Variants in DKK2 observed in about 807,000 individuals in gnomAD.
DKK2 encodes dickkopf-related protein 2.
A neutral mutation model predicts 28.1 loss-of-function variants in DKK2; 11 were observed. The ratio of observed to expected loss-of-function variants is 0.39; its 90% CI spans 0.25 to 0.65. The LOEUF (loss-of-function observed/expected upper bound fraction) is 0.65, where lower values mean the gene tolerates loss of function less well. DKK2 is among the 30% of genes least tolerant of loss of function. The pLI is 0.47. For missense variants in DKK2, 326 were observed against 335.5 expected, an observed-to-expected ratio of 0.97 and a Z score of 0.22; for synonymous variants, 135 against 126.5, an observed-to-expected ratio of 1.07 and a Z score of -0.45.
chr4:106,963,080 C>T (rs895534627), intron 1 of DKK2, among the ~76,000 whole-genome samples: 2 of 150,766 alleles, frequency 1.3e-5, no homozygotes, highest in Non-Finnish European at 3.0e-5. Context: ...CAAAACCGGG[C>T]GCGAGGTTTC....
intron 1 of DKK2, among the ~76,000 whole-genome samples, chr4:106,956,148 A>G (rs1722587084): frequency 6.6e-6 from 1 of 152,194 alleles, no homozygotes; most frequent in Admixed American, 6.5e-5. Context: ...AATATAGTCC[A>G]TATTTGTTAA....
At chr4:107,002,030 A>G (rs1723367129) in intron 1 of DKK2, among the ~76,000 whole-genome samples, 1 of 152,232 alleles carries the variant, frequency 6.6e-6, no homozygotes, top group Non-Finnish European at 1.5e-5. Flanking sequence ...ATCAAAGTTA[A>G]GCAGGAAGTC....
Position 106,923,663 on chromosome 4 carries a change from A to C in DKK2, c.*291T>G. On this transcript the variant is annotated 3_prime_UTR_variant, in exon 4 of 4. Transcript: ENST00000285311. ...ACTCTTGGAAAGTCACATGCTACTC[A>C]TCAGTAATTTCCACTGTGTGCTTGT... 1 of 338,110 alleles carries C rather than the reference A, an allele frequency of 3.0e-6. No homozygotes were observed. The highest frequency in any genetic ancestry group is 3.5e-5 in the South Asian group (1 of 28,314). 20.9% of individuals were successfully genotyped at this position (338,110 alleles called of 1,614,324 possible).
chr4:107,035,580 C>T lies in DKK2; in HGVS notation c.12G>A (p.Leu4=), dbSNP rs749664446. The T allele has an allele frequency of 1.2e-6, 2 of 1,614,072 alleles. No homozygotes were observed. Among genetic ancestry groups the T allele is most frequent in the South Asian group, 2.2e-5 (2 of 91,078 alleles). Residue 4 remains leucine, a synonymous_variant, in exon 1 of 4, where the codon TTG becomes TTA. Transcript: ENST00000285311. The part of the protein sequence containing the change: MAA[L]MRSKDSSCCL... ...AGCAGGACGAATCCTTGCTCCGCAT[C>T]AACGCGGCCATCTCCCGGCGAGGGG...
chr4:106,941,844 T>C (rs1724704543), intron 1 of DKK2, among the ~76,000 whole-genome samples: 2 of 152,190 alleles, frequency 1.3e-5, no homozygotes, highest in Non-Finnish European at 2.9e-5. Flanking sequence ...GGAATTTTTC[T>C]TTTAAGTTTC....
At chr4:106,977,702 A>C (rs1176757807) in intron 1 of DKK2, among the ~76,000 whole-genome samples, 1 of 151,932 alleles carries the variant, frequency 6.6e-6, no homozygotes, top group East Asian at 1.9e-4. Context: ...AGCTCAGAGG[A>C]GTTTGTTATT....
Position 106,923,996 on chromosome 4 carries a change from G to T in DKK2, c.738C>A (p.Thr246=), listed in dbSNP as rs769931789. 2 of 1,613,958 alleles carry T rather than the reference G, an allele frequency of 1.2e-6. No individual in the cohort carries two copies. The highest frequency in any genetic ancestry group is 2.2e-5 in the South Asian group (2 of 91,084). The change falls in exon 4 of 4, where the codon ACC becomes ACA. Residue 246 remains threonine (T), a synonymous_variant. Coordinates refer to ENST00000285311, the MANE Select transcript of DKK2 (RefSeq NM_014421.3). The part of the protein sequence containing the change: ...GLSCKVWKDA[T]YSSKARLHVC... ...CATGGAGTCTGGCTTTGGAGGAGTA[G>T]GTGGCATCTTTCCATACTTTGCAAG...
At chr4:106,944,203 C>T (rs1444499125) in intron 1 of DKK2, among the ~76,000 whole-genome samples, 1 of 152,022 alleles carries the variant, frequency 6.6e-6, no homozygotes, top group Non-Finnish European at 1.5e-5. Context: ...AAGTAAAGTA[C>T]ATTTTTCCAA....
intron 1 of DKK2, among the ~76,000 whole-genome samples, chr4:106,948,554 G>C (rs753837378): frequency 6.6e-6 from 1 of 152,180 alleles, no homozygotes; most frequent in Non-Finnish European, 1.5e-5. Flanking sequence ...TAGGTGAAAA[G>C]AGTTTGCCAG....
rs535451485 is a variant in DKK2 at position 106,945,730 on chromosome 4, A to G, written c.223-19781T>C. 2.0e-5 allele frequency among the ~76,000 whole-genome samples: 3 copies of G among 152,240 alleles called. No individual in the cohort carries two copies. In the East Asian group the frequency reaches 5.8e-4, roughly 29 times the overall value. On this transcript the variant is annotated intron_variant, in intron 1 of 3. Transcript: ENST00000285311. ...ACTGCTGAGTCCTCAACCATATCCA[A>G]TCAAAGTCAAAAATGTGTTTCCAGT...
intron 1 of DKK2, among the ~76,000 whole-genome samples, chr4:106,973,809 C>T (rs1007781340): frequency 4.6e-5 from 7 of 152,140 alleles, no homozygotes; most frequent in Non-Finnish European, 8.8e-5. Context: ...AGTCTTTGCC[C>T]TTGCCTATGT....
At chr4:107,025,433 G>C (rs1425865504) in intron 1 of DKK2, among the ~76,000 whole-genome samples, 3 of 152,226 alleles carry the variant, frequency 2.0e-5, no homozygotes, top group Admixed American at 2.0e-4. Context: ...TACTGTAAGA[G>C]AGTTTATTTT....
At chr4:106,957,309 T>C (rs1295270915) in intron 1 of DKK2, among the ~76,000 whole-genome samples, 6 of 150,974 alleles carry the variant, frequency 4.0e-5, no homozygotes, top group African/African-American at 7.3e-5. Context: ...TTGGTGGGAC[T>C]GTAAACTAGT....
chr4:107,021,259 A>C (rs1198196170), intron 1 of DKK2, among the ~76,000 whole-genome samples: 4 of 152,060 alleles, frequency 2.6e-5, no homozygotes, highest in African/African-American at 7.2e-5. Context: ...AAAGCCACTC[A>C]GAGCCAAATA....
At chr4:106,963,623 G>A (rs1722726167) in intron 1 of DKK2, among the ~76,000 whole-genome samples, 1 of 152,118 alleles carries the variant, frequency 6.6e-6, no homozygotes, top group South Asian at 2.1e-4. Context: ...GAACAATTGG[G>A]AGGTGCCTCA....
At chr4:106,942,724 T>G (rs2110344199) in intron 1 of DKK2, among the ~76,000 whole-genome samples, 1 of 152,262 alleles carries the variant, frequency 6.6e-6, no homozygotes, top group East Asian at 1.9e-4. Context: ...AATAGAGCTT[T>G]TATACAACTT....
chr4:106,972,908 G>C (rs1042323064), intron 1 of DKK2, among the ~76,000 whole-genome samples: 4 of 151,966 alleles, frequency 2.6e-5, no homozygotes, highest in African/African-American at 9.7e-5. Context: ...CCCCACTACA[G>C]GCCCCAGTGA....
intron 1 of DKK2, among the ~76,000 whole-genome samples, chr4:106,967,298 G>C (rs1722796932): frequency 6.6e-6 from 1 of 152,120 alleles, no homozygotes; most frequent in South Asian, 2.1e-4. Flanking sequence ...ACACTGCATA[G>C]TGGAAGAACC....
chr4:106,929,230 A>T (rs1273828271), intron 1 of DKK2, among the ~76,000 whole-genome samples: 1 of 152,090 alleles, frequency 6.6e-6, no homozygotes. Context: ...TCTGATTTTT[A>T]TTTTACTTGC....
Sources: allele counts gnomAD v4.1 joint callset (sites outside exome capture counted in the v4.1 genomes callset), GRCh38; gene constraint gnomAD v4.1.1; transcripts MANE v1.5; gene names NCBI Gene and HGNC (gene_info 2026-07-23, HGNC 2026-07-21).